The following PDGFC variants were observed in gnomAD, a reference collection of about 807,000 sequenced individuals.
The protein encoded by PDGFC is platelet-derived growth factor C.
Under a neutral mutation model 35.5 loss-of-function variants are expected in PDGFC, and 12 were observed. That is an observed-to-expected ratio of 0.34 (90% confidence interval 0.22 to 0.55). The LOEUF is 0.55. PDGFC is among the 20% of genes least tolerant of loss of function. PDGFC has a pLI of 0.91. For synonymous variants in PDGFC, 159 were observed against 148.8 expected (o/e 1.07, Z -0.50); for missense variants, 322 against 412.4 (o/e 0.78, Z 1.90).
intron 3 of PDGFC, among the ~76,000 whole-genome samples, chr4:156,793,562 T>TATATATATATATATATATAA (rs1391337141): frequency 7.3e-6 from 1 of 136,132 alleles, no homozygotes; most frequent in Non-Finnish European, 1.5e-5. Flanking sequence ...TATATATATA[T>TATATATATATATATATATAA]AAAACACTTT....
At chr4:156,933,580 A>G (rs1479486490) in intron 1 of PDGFC, among the ~76,000 whole-genome samples, 1 of 152,206 alleles carries the variant, frequency 6.6e-6, no homozygotes, top group Non-Finnish European at 1.5e-5. Context: ...TTCCCAAAGC[A>G]TAGTGCTGAA....
chr4:156,903,686 A>G (rs1730847926), intron 1 of PDGFC, among the ~76,000 whole-genome samples: 1 of 152,192 alleles, frequency 6.6e-6, no homozygotes, highest in African/African-American at 2.4e-5. Flanking sequence ...CCTGCCAGTG[A>G]AATAATCAGA....
intron 3 of PDGFC, among the ~76,000 whole-genome samples, chr4:156,796,412 T>A (rs1731442003): frequency 6.6e-6 from 1 of 151,870 alleles, no homozygotes; most frequent in South Asian, 2.1e-4. Flanking sequence ...TGTTTCCAGG[T>A]TGTGGTATAC....
At chr4:156,898,890 C>G (rs1730697852) in intron 1 of PDGFC, among the ~76,000 whole-genome samples, 1 of 152,214 alleles carries the variant, frequency 6.6e-6, no homozygotes, top group Non-Finnish European at 1.5e-5. Context: ...CACCTGAGCT[C>G]AAGTGATCCA....
At chr4:156,949,230 G>A (rs974747517) in intron 1 of PDGFC, among the ~76,000 whole-genome samples, 4 of 152,012 alleles carry the variant, frequency 2.6e-5, no homozygotes, top group Non-Finnish European at 5.9e-5. Flanking sequence ...TTAAATATGT[G>A]TATAATATAG....
intron 1 of PDGFC, among the ~76,000 whole-genome samples, chr4:156,912,606 G>T (rs1731064651): frequency 6.6e-6 from 1 of 152,040 alleles, no homozygotes; most frequent in Admixed American, 6.6e-5. Context: ...TTCTGAAACT[G>T]ACAGTATTCT....
intron 3 of PDGFC, among the ~76,000 whole-genome samples, chr4:156,802,941 A>G (rs1731657037): frequency 6.6e-6 from 1 of 152,194 alleles, no homozygotes; most frequent in African/African-American, 2.4e-5. Context: ...TTCTCAGTAT[A>G]TTCATGGAAG....
At chr4:156,824,327 T>TATATATATACACACATACACATAC (rs1491500876) in intron 2 of PDGFC, among the ~76,000 whole-genome samples, 1 of 102,840 alleles carries the variant, frequency 9.7e-6, no homozygotes, top group African/African-American at 4.5e-5. Flanking sequence ...TATATATATA[T>TATATATATACACACATACACATAC]ACACACACAC....
intron 1 of PDGFC, among the ~76,000 whole-genome samples, chr4:156,969,853 T>C (rs909364898): frequency 2.6e-5 from 4 of 152,198 alleles, no homozygotes; most frequent in East Asian, 1.9e-4. Flanking sequence ...AACATGAACA[T>C]TGTGGTTTCA....
chr4:156,841,119 T>C (rs1729192861), intron 2 of PDGFC, among the ~76,000 whole-genome samples: 1 of 150,934 alleles, frequency 6.6e-6, no homozygotes, highest in African/African-American at 2.4e-5. Context: ...GACTGTGTTT[T>C]GAAATGTGAG....
At chr4:156,835,340 A>G (rs1424277573) in intron 2 of PDGFC, among the ~76,000 whole-genome samples, 1 of 152,208 alleles carries the variant, frequency 6.6e-6, no homozygotes, top group Non-Finnish European at 1.5e-5. Context: ...GGGAATGTCA[A>G]TTAGTTCAGC....
intron 3 of PDGFC, among the ~76,000 whole-genome samples, chr4:156,795,196 G>A (rs964381693): frequency 6.6e-6 from 1 of 152,104 alleles, no homozygotes; most frequent in Non-Finnish European, 1.5e-5. Context: ...AATTAAATAT[G>A]AGTTATTGCT....
chr4:156,877,275 A>ACT (rs112055783), intron 1 of PDGFC, among the ~76,000 whole-genome samples: 22,189 of 151,920 alleles, frequency 0.15, 2,381 homozygotes, highest in African/African-American at 0.31. Flanking sequence ...ATCCAATTTT[A>ACT]CTCTTAGTTA....
intron 2 of PDGFC, among the ~76,000 whole-genome samples, chr4:156,833,759 C>T (rs1013478368): frequency 6.6e-6 from 1 of 152,110 alleles, no homozygotes; most frequent in Non-Finnish European, 1.5e-5. Context: ...GCTCTTTAAA[C>T]TTAGATAATT....
intron 2 of PDGFC, among the ~76,000 whole-genome samples, chr4:156,843,116 G>T (rs1729244390): frequency 6.6e-6 from 1 of 152,148 alleles, no homozygotes; most frequent in Admixed American, 6.5e-5. Context: ...CCCCTAAGGT[G>T]ATGGTATTTG....
chr4:156,852,712 G>A (rs1190986371), intron 1 of PDGFC, among the ~76,000 whole-genome samples: 1 of 152,132 alleles, frequency 6.6e-6, no homozygotes, highest in African/African-American at 2.4e-5. Context: ...TATCAAGTGA[G>A]CCCACAAGAT....
At position 156,783,090 on chromosome 4, in the gene PDGFC, T is replaced by C. The variant is rs1039349989; in HGVS notation, c.496-10197A>G. On this transcript the variant is annotated intron_variant, in intron 3 of 5. Coordinates refer to ENST00000502773, the MANE Select transcript of PDGFC (RefSeq NM_016205.3). ...TTAGAGAATTAGAAAGTAATTATTA[T>C]ATAGATTAGAAGGGAGAAGCACTTT... Among the ~76,000 whole-genome samples the C allele has an allele frequency of 3.3e-5, 5 of 152,250 alleles. No homozygotes were observed. The East Asian group carries it at 7.7e-4, about 24-fold the overall frequency.
At chr4:156,841,882 CTTAAA>C (rs1308624984) in intron 2 of PDGFC, 1 of 152,206 alleles carries the variant, frequency 6.6e-6, no homozygotes, top group Non-Finnish European at 1.5e-5. Flanking sequence ...ATAAAAGAGT[CTTAAA>C]TTAACACTTC....
intron 1 of PDGFC, among the ~76,000 whole-genome samples, chr4:156,902,385 C>T (rs1730810547): frequency 6.6e-6 from 1 of 152,122 alleles, no homozygotes; most frequent in Admixed American, 6.5e-5. Flanking sequence ...GACCCTGTTT[C>T]CTTTCACAAT....
Sources: gnomAD v4.1 joint callset for allele counts (sites outside exome capture counted in the v4.1 genomes callset) on GRCh38, gnomAD v4.1.1 for gene constraint, MANE v1.5 for transcripts, NCBI Gene and HGNC (gene_info 2026-07-23, HGNC 2026-07-21) for gene names.